WDFY3: variants seen among roughly 807,000 people sequenced by gnomAD.
WDFY3 encodes WD repeat and FYVE domain-containing protein 3.
A neutral mutation model predicts 409.6 loss-of-function variants in WDFY3; 66 were observed. The observed-to-expected ratio is 0.16, with a 90% CI of 0.13 to 0.20. The LOEUF (loss-of-function observed/expected upper bound fraction) is 0.20. Among genes scored for constraint, WDFY3 ranks in the 10% least tolerant of loss-of-function variants. The pLI, the probability that WDFY3 is intolerant of heterozygous loss-of-function variation, is 1.00. For missense variants in WDFY3, 3,031 were observed against 4,298.1 expected (o/e 0.71, Z 8.24); for synonymous variants, 1,521 against 1,537.1 (o/e 0.99, Z 0.25).
intron 43 of WDFY3, 56 bp downstream of exon 43, chr4:84,734,987 A>G: frequency 7.0e-7 from 1 of 1,428,728 alleles, no homozygotes; most frequent in Non-Finnish European, 9.8e-7. Context: ...ACAAACAGAG[A>G]CCTTTCACAT....
At chr4:84,690,018 T>G (rs1022245014) in intron 61 of WDFY3, among the ~76,000 whole-genome samples, 2 of 152,180 alleles carry the variant, frequency 1.3e-5, no homozygotes, top group Non-Finnish European at 2.9e-5. Context: ...ATGTATGTAA[T>G]AGACAATCAG....
At chr4:84,827,038 T>C (rs768883887) in intron 9 of WDFY3, 57 bp from the exon 10 acceptor site, 2 of 1,548,284 alleles carry the variant, frequency 1.3e-6, no homozygotes, top group Middle Eastern at 1.9e-4. Context: ...TTCTCAGATT[T>C]AACACAAAGT....
At chr4:84,683,609 C>T (rs567119782) in intron 63 of WDFY3, among the ~76,000 whole-genome samples, 9 of 152,314 alleles carry the variant, frequency 5.9e-5, no homozygotes, top group Non-Finnish European at 1.0e-4. Flanking sequence ...GTTTTCCCTA[C>T]GAAGCCATTT....
intron 22 of WDFY3, among the ~76,000 whole-genome samples, chr4:84,788,180 G>C (rs1298496049): frequency 3.3e-5 from 5 of 152,182 alleles, no homozygotes; most frequent in African/African-American, 4.8e-5. Context: ...ATTAAGTACA[G>C]TATAAGAGAT....
chr4:84,901,323 C>T (rs909913300), intron 2 of WDFY3, among the ~76,000 whole-genome samples: 1 of 152,102 alleles, frequency 6.6e-6, no homozygotes, highest in Non-Finnish European at 1.5e-5. Flanking sequence ...TCTGCTCTCA[C>T]GAAGGGACTA....
intron 59 of WDFY3, among the ~76,000 whole-genome samples, 176 bp from the exon 60 acceptor site, chr4:84,691,961 TG>T (rs1326266532): frequency 1.3e-5 from 2 of 152,194 alleles, no homozygotes; most frequent in Admixed American, 1.3e-4. Flanking sequence ...ACCTGCTGGG[TG>T]GAATGTTCAA....
chr4:84,675,903 C>A (rs912610886), intron 67 of WDFY3, among the ~76,000 whole-genome samples: 1 of 152,036 alleles, frequency 6.6e-6, no homozygotes, highest in Non-Finnish European at 1.5e-5. Context: ...AAAAATAGAT[C>A]CTCGCCTCAT....
At chr4:84,860,729 T>C (rs1760487912) in intron 3 of WDFY3, 107 bp from the exon 4 acceptor site, 3 of 1,004,514 alleles carry the variant, frequency 3.0e-6, no homozygotes, top group South Asian at 7.2e-5. Flanking sequence ...AAATTCTGTC[T>C]AAAATATATC....
At chr4:84,776,763 G>A (rs1745614267) in intron 27 of WDFY3, among the ~76,000 whole-genome samples, 1 of 152,092 alleles carries the variant, frequency 6.6e-6, no homozygotes. Flanking sequence ...AAAAGAATAA[G>A]AGGTTTGGAT....
At chr4:84,855,549 T>C (rs1399710878) in intron 4 of WDFY3, among the ~76,000 whole-genome samples, 1 of 152,210 alleles carries the variant, frequency 6.6e-6, no homozygotes, top group Non-Finnish European at 1.5e-5. Context: ...TGTTACTGAA[T>C]AGTGCTATTC....
intron 49 of WDFY3, among the ~76,000 whole-genome samples, chr4:84,715,602 G>A (rs898363314): frequency 2.6e-5 from 4 of 151,546 alleles, no homozygotes; most frequent in Non-Finnish European, 5.9e-5. Context: ...GTGAAACCCC[G>A]TCTCTACTAA....
At position 84,756,017 on chromosome 4, in the gene WDFY3, T is replaced by C. The variant is rs148806984; in HGVS notation, c.5425-617A>G. The stretch of plus-strand genomic sequence containing the variant: ...TGTCAACTACTAGAATTGATTTGAA[T>C]AGCATTTGGCATTAGGATGGAAGTG... On this transcript the variant is annotated intron_variant, in intron 33 of 67. Transcript: ENST00000295888. Among the ~76,000 whole-genome samples, 5 of 152,316 alleles carry C rather than the reference T, an allele frequency of 3.3e-5. No homozygotes were observed. In the East Asian group the frequency reaches 9.7e-4, roughly 29 times the overall value.
rs1762798053 is a variant in WDFY3 at position 84,876,453 on chromosome 4, G to A, written c.-31-15831C>T. ...GAATAATTATCAGAACCTAACTCAT[G>A]GTGTTATTTGTAGAAATTAGGTAAT... is the stretch of plus-strand genomic sequence containing the variant. On this transcript the variant is annotated intron_variant, in intron 3 of 67. Coordinates refer to ENST00000295888, the MANE Select transcript of WDFY3 (RefSeq NM_014991.6). 2.0e-5 allele frequency among the ~76,000 whole-genome samples: 3 copies of A among 152,192 alleles called. 1 individual carries two copies. In the South Asian group the frequency reaches 6.2e-4, roughly 32 times the overall value.
intron 60 of WDFY3, among the ~76,000 whole-genome samples, chr4:84,691,333 T>C (rs1383273630): frequency 6.6e-6 from 1 of 152,036 alleles, no homozygotes; most frequent in Non-Finnish European, 1.5e-5. Context: ...AGCTCCTTGC[T>C]GGCTAGGATC....
At chr4:84,839,058 A>G (rs1199835056) in intron 6 of WDFY3, among the ~76,000 whole-genome samples, 2 of 152,190 alleles carry the variant, frequency 1.3e-5, no homozygotes, top group African/African-American at 4.8e-5. Context: ...ATAGATTATT[A>G]CTAGGTTTAG....
intron 30 of WDFY3, 27 bp downstream of exon 30, chr4:84,772,808 C>T: frequency 6.3e-7 from 1 of 1,584,120 alleles, no homozygotes. Flanking sequence ...TGACCACTAT[C>T]TTCTCCAAGC....
chr4:84,693,163 T>C (rs1327799429), intron 58 of WDFY3, 131 bp from the exon 59 acceptor site: 4 of 966,326 alleles, frequency 4.1e-6, no homozygotes, highest in Non-Finnish European at 6.0e-6. Flanking sequence ...ATCCTCATTT[T>C]ACACCCGAGG....
chr4:84,890,243 G>T (rs558063335), intron 3 of WDFY3, among the ~76,000 whole-genome samples: 1 of 152,142 alleles, frequency 6.6e-6, no homozygotes, highest in Admixed American at 6.5e-5. Flanking sequence ...GGTACTACAG[G>T]TACACATCAA....
chr4:84,860,299 C>A (rs1760424563), intron 4 of WDFY3, 113 bp downstream of exon 4: 8 of 1,285,708 alleles, frequency 6.2e-6, no homozygotes, highest in African/African-American at 1.5e-5. Context: ...CACCAAACTT[C>A]TTAAAACTAA....
Sources: gnomAD v4.1 joint callset for allele counts (sites outside exome capture counted in the v4.1 genomes callset) on GRCh38, gnomAD v4.1.1 for gene constraint, MANE v1.5 for transcripts, NCBI Gene and HGNC (gene_info 2026-07-23, HGNC 2026-07-21) for gene names.